The following TCERG1L variants were observed in gnomAD, a reference collection of about 807,000 sequenced individuals.
The protein encoded by TCERG1L is transcription elongation regulator 1 like.
TCERG1L carries 37 observed loss-of-function variants against 56.3 expected under a neutral mutation model. The ratio of observed to expected loss-of-function variants is 0.66; its 90% CI spans 0.51 to 0.87. The LOEUF is 0.87. Ranked by LOEUF, TCERG1L falls within the 40% of genes least tolerant of loss-of-function variation. TCERG1L has a pLI of 0.00. For missense variants in TCERG1L, 799 were observed against 774.2 expected (o/e 1.03, Z -0.38); for synonymous variants, 324 against 326.3 (o/e 0.99, Z 0.08).
chr10:131,304,848 C>T (rs1846803763), intron 3 of TCERG1L, among the ~76,000 whole-genome samples: 1 of 151,940 alleles, frequency 6.6e-6, no homozygotes, highest in Admixed American at 6.5e-5. Flanking sequence ...ATGTAAAGTC[C>T]CCCAACAGTC....
At chr10:131,302,307 A>C (rs555357670) in intron 3 of TCERG1L, among the ~76,000 whole-genome samples, 1 of 149,682 alleles carries the variant, frequency 6.7e-6, no homozygotes, top group East Asian at 1.9e-4. Flanking sequence ...GCTTTGCCCC[A>C]TTTACTACTT....
rs757583933 is a variant in TCERG1L at position 131,110,950 on chromosome 10, C to T, written c.1395+5849G>A. 3.5e-5 allele frequency among the ~76,000 whole-genome samples: 5 copies of T among 142,584 alleles called. 2 individuals are homozygous for T. Among genetic ancestry groups the T allele is most frequent in the African/African-American group, 9.9e-5 (4 of 40,418 alleles). 93.5% of individuals were successfully genotyped at this position (142,584 alleles called of 152,430 possible). A position where few individuals can be genotyped will look rare whatever the true frequency, so the allele number is the denominator to read the frequency against. On this transcript the variant is annotated intron_variant, in intron 9 of 11. Transcript: ENST00000368642. Reference sequence around the variant, plus strand: ...CAGGGAACCTCCGACAGAAGCAGAACGCTGCCTTCCATCTCTAAAACCAAA... The same window carrying T: ...CAGGGAACCTCCGACAGAAGCAGAATGCTGCCTTCCATCTCTAAAACCAAA...
chr10:131,295,663 G>A (rs1197693052), intron 3 of TCERG1L, among the ~76,000 whole-genome samples: 2 of 152,212 alleles, frequency 1.3e-5, no homozygotes, highest in East Asian at 3.8e-4. Context: ...ATGAAGTCTA[G>A]TGACCAGATC....
chr10:131,256,976 GGAAGGAAGGAAGGAAGGAAAGAAAGAAA>G (rs1846170734), intron 4 of TCERG1L, among the ~76,000 whole-genome samples: 31 of 69,672 alleles, frequency 4.4e-4, no homozygotes, highest in Non-Finnish European at 8.3e-4. Context: ...AAGGAAGGAA[GGAAGGAAGGAAGGAAGGAAAGAAAGAAA>G]GAAAGAAAGA....
intron 4 of TCERG1L, among the ~76,000 whole-genome samples, chr10:131,218,619 G>A (rs1293313639): frequency 6.6e-6 from 1 of 152,222 alleles, no homozygotes; most frequent in East Asian, 1.9e-4. Flanking sequence ...TCAGCCTGCT[G>A]AGTAGCTGGG....
At chr10:131,174,958 C>T (rs1846132046) in intron 4 of TCERG1L, among the ~76,000 whole-genome samples, 1 of 151,972 alleles carries the variant, frequency 6.6e-6, no homozygotes, top group Non-Finnish European at 1.5e-5. Context: ...TGAACCCACC[C>T]CAATAATGGG....
chr10:131,161,745 C>G (rs991987416), intron 6 of TCERG1L: 2 of 152,142 alleles, frequency 1.3e-5, no homozygotes, highest in Non-Finnish European at 2.9e-5. Flanking sequence ...TTCACTTGGC[C>G]GATGATTTCA....
intron 4 of TCERG1L, among the ~76,000 whole-genome samples, chr10:131,253,588 C>T (rs1464085496): frequency 6.6e-6 from 1 of 152,154 alleles, no homozygotes. Context: ...TGGCATTCAC[C>T]GTGCTGAACG....
intron 4 of TCERG1L, among the ~76,000 whole-genome samples, chr10:131,213,434 T>C (rs1394373777): frequency 1.3e-5 from 2 of 152,172 alleles, no homozygotes; most frequent in East Asian, 3.9e-4. Flanking sequence ...AACCGGATAT[T>C]AGGAAACATG....
chr10:131,227,676 C>T (rs527681334), intron 4 of TCERG1L, among the ~76,000 whole-genome samples: 3 of 152,166 alleles, frequency 2.0e-5, no homozygotes, highest in Non-Finnish European at 4.4e-5. Flanking sequence ...TTCCATCAGG[C>T]GAGCCAGCTG....
chr10:131,102,893 A>C (rs1845317632), intron 10 of TCERG1L, among the ~76,000 whole-genome samples: 1 of 151,908 alleles, frequency 6.6e-6, no homozygotes. Context: ...GTGAGCCAAC[A>C]CCATCTGTCC....
intron 9 of TCERG1L, among the ~76,000 whole-genome samples, chr10:131,116,485 C>T (rs1845460380): frequency 6.6e-6 from 1 of 152,186 alleles, no homozygotes; most frequent in Non-Finnish European, 1.5e-5. Context: ...ACAAAGGCAC[C>T]TTTCTCCTTT....
At chr10:131,248,211 C>T (rs1846061902) in intron 4 of TCERG1L, among the ~76,000 whole-genome samples, 1 of 149,264 alleles carries the variant, frequency 6.7e-6, no homozygotes, top group Middle Eastern at 3.5e-3. Flanking sequence ...TCACACACAA[C>T]TCTCTCACAC....
intron 3 of TCERG1L, among the ~76,000 whole-genome samples, chr10:131,263,180 T>C (rs1846250058): frequency 6.6e-6 from 1 of 152,154 alleles, no homozygotes. Flanking sequence ...GTTCCTGTTG[T>C]TCCACATCCT....
At chr10:131,251,498 C>G (rs1846111249) in intron 4 of TCERG1L, among the ~76,000 whole-genome samples, 1 of 152,200 alleles carries the variant, frequency 6.6e-6, no homozygotes, top group Admixed American at 6.5e-5. Flanking sequence ...CACCCTCACC[C>G]AAGCTGCTGG....
chr10:131,105,489 T>C (rs1845343387), intron 9 of TCERG1L, among the ~76,000 whole-genome samples: 1 of 152,178 alleles, frequency 6.6e-6, no homozygotes, highest in African/African-American at 2.4e-5. Context: ...ACTCAATCTT[T>C]TATTTATATT....
chr10:131,219,414 C>G (rs1443855299), intron 4 of TCERG1L, among the ~76,000 whole-genome samples: 1 of 152,228 alleles, frequency 6.6e-6, no homozygotes, highest in Non-Finnish European at 1.5e-5. Context: ...TGCATGTGCT[C>G]TTGCCCCCAG....
chr10:131,278,237 TG>T (rs1846413265), intron 3 of TCERG1L, among the ~76,000 whole-genome samples: 1 of 152,058 alleles, frequency 6.6e-6, no homozygotes, highest in Admixed American at 6.5e-5. Context: ...TTTCCTCACC[TG>T]TAAAATGGGG....
intron 4 of TCERG1L, among the ~76,000 whole-genome samples, chr10:131,248,526 G>A (rs1163399599): frequency 1.3e-5 from 2 of 152,166 alleles, no homozygotes; most frequent in Non-Finnish European, 2.9e-5. Flanking sequence ...GTACCTTCCC[G>A]TAGCCTTGCC....
Sources: gnomAD v4.1 joint callset for allele counts (sites outside exome capture counted in the v4.1 genomes callset) on GRCh38, gnomAD v4.1.1 for gene constraint, MANE v1.5 for transcripts, NCBI Gene and HGNC (gene_info 2026-07-23, HGNC 2026-07-21) for gene names.